The following CABCOCO1 variants were observed in gnomAD, a reference collection of about 807,000 sequenced individuals.
The protein encoded by CABCOCO1 is ciliary associated calcium binding coiled-coil 1.
Under a neutral mutation model 35.7 loss-of-function variants are expected in CABCOCO1, and 28 were observed. The observed-to-expected ratio is 0.78, with a 90% CI of 0.58 to 1.07. CABCOCO1 has a LOEUF of 1.07. Among genes scored for constraint, CABCOCO1 ranks in the 50% least tolerant of loss-of-function variants. CABCOCO1 has a pLI of 0.00. For missense variants in CABCOCO1, 326 were observed against 309.2 expected, an observed-to-expected ratio of 1.05 and a Z score of -0.41; for synonymous variants, 95 against 100.1, an observed-to-expected ratio of 0.95 and a Z score of 0.30.
intron 2 of CABCOCO1, among the ~76,000 whole-genome samples, chr10:61,677,862 T>C (rs896061083): frequency 7.0e-6 from 1 of 143,206 alleles, no homozygotes; most frequent in Non-Finnish European, 1.5e-5. Context: ...CTTTTCAATG[T>C]AGTTAGATTG....
intron 5 of CABCOCO1, among the ~76,000 whole-genome samples, chr10:61,714,701 G>A (rs181140297): frequency 1.3e-5 from 2 of 152,176 alleles, no homozygotes; most frequent in East Asian, 1.9e-4. Flanking sequence ...TAGAGATTCT[G>A]GTACGTTGTG....
chr10:61,700,949 GTATACATA>G (rs1564540325), intron 5 of CABCOCO1, among the ~76,000 whole-genome samples: 3 of 151,462 alleles, frequency 2.0e-5, no homozygotes, highest in African/African-American at 7.3e-5. Context: ...ATACATACAT[GTATACATA>G]TACATACATG....
chr10:61,760,730 C>A, intron 6 of CABCOCO1, 133 bp from the exon 7 acceptor site: 1 of 1,041,796 alleles, frequency 9.6e-7, no homozygotes, highest in Non-Finnish European at 1.4e-6. Context: ...TGTAACAAAC[C>A]TACACACTTT....
At chr10:61,720,292 TAA>T (rs10715326) in intron 5 of CABCOCO1, among the ~76,000 whole-genome samples, 10 of 151,114 alleles carry the variant, frequency 6.6e-5, no homozygotes, top group South Asian at 2.1e-4. Flanking sequence ...AAAATAAAAA[TAA>T]AAAAAAACAC....
At chr10:61,706,547 C>T (rs1287048768) in intron 5 of CABCOCO1, among the ~76,000 whole-genome samples, 1 of 152,140 alleles carries the variant, frequency 6.6e-6, no homozygotes, top group Non-Finnish European at 1.5e-5. Flanking sequence ...AACATAGCTG[C>T]TTCCCAAATG....
At chr10:61,707,814 CA>C (rs35406351) in intron 5 of CABCOCO1, among the ~76,000 whole-genome samples, 1 of 151,872 alleles carries the variant, frequency 6.6e-6, no homozygotes, top group African/African-American at 2.4e-5. Context: ...ATAATTGACA[CA>C]AAAAAGTGTG....
intron 7 of CABCOCO1, 41 bp from the exon 8 acceptor site, chr10:61,765,898 T>C: frequency 6.4e-7 from 1 of 1,554,370 alleles, no homozygotes; most frequent in Non-Finnish European, 8.9e-7. Context: ...CAGCAAAAGA[T>C]AGCTCCATCA....
chr10:61,723,331 T>A (rs1051795798), intron 5 of CABCOCO1, among the ~76,000 whole-genome samples: 3 of 152,234 alleles, frequency 2.0e-5, no homozygotes, highest in Non-Finnish European at 4.4e-5. Flanking sequence ...AATATAAGAA[T>A]ATTTAACATT....
At chr10:61,725,373 T>A (rs1053633338) in intron 5 of CABCOCO1, among the ~76,000 whole-genome samples, 6 of 152,162 alleles carry the variant, frequency 3.9e-5, no homozygotes, top group African/African-American at 1.4e-4. Flanking sequence ...TGTCCATCAA[T>A]GATAGACTGG....
At chr10:61,693,930 G>C (rs1840225151) in intron 5 of CABCOCO1, among the ~76,000 whole-genome samples, 1 of 151,940 alleles carries the variant, frequency 6.6e-6, no homozygotes, top group Non-Finnish European at 1.5e-5. Flanking sequence ...TTCAATGTAG[G>C]TATCTTATTT....
intron 5 of CABCOCO1, among the ~76,000 whole-genome samples, chr10:61,706,443 TG>T (rs2132023072): frequency 6.6e-6 from 1 of 152,328 alleles, no homozygotes; most frequent in African/African-American, 2.4e-5. Flanking sequence ...ACTCTTTGGC[TG>T]AATTCTGAAT....
intron 1 of CABCOCO1, among the ~76,000 whole-genome samples, chr10:61,665,693 C>T (rs1244195225): frequency 2.0e-5 from 3 of 151,816 alleles, no homozygotes; most frequent in Admixed American, 6.6e-5. Flanking sequence ...CGAGACCATC[C>T]TGGCTAACAC....
intron 4 of CABCOCO1, among the ~76,000 whole-genome samples, chr10:61,688,188 A>G (rs182644302): frequency 2.0e-4 from 30 of 152,332 alleles, no homozygotes; most frequent in African/African-American, 6.7e-4. Context: ...TGACAATGAA[A>G]TCACATAATA....
Position 61,690,628 on chromosome 10 carries a change from A to T in CABCOCO1, c.552+7A>T. 6.4e-7 allele frequency: 1 copy of T among 1,564,622 alleles called. No individual in the cohort carries two copies. The highest frequency in any genetic ancestry group is 8.8e-7 in the Non-Finnish European group (1 of 1,137,340). ...AATTGTGATAGGAACTGAGGTAAGT[A>T]ATTTATCTAGATGGAACAAGTTAAG... On this transcript the variant is annotated splice_region_variant and intron_variant, in intron 5 of 7. Transcript: ENST00000648843.
At chr10:61,678,688 C>G (rs1839602162) in intron 2 of CABCOCO1, among the ~76,000 whole-genome samples, 1 of 152,012 alleles carries the variant, frequency 6.6e-6, no homozygotes, top group Non-Finnish European at 1.5e-5. Context: ...CTGGCGGTAG[C>G]AACTAAAGCC....
chr10:61,708,617 T>G (rs538102712), intron 5 of CABCOCO1, among the ~76,000 whole-genome samples: 1 of 152,060 alleles, frequency 6.6e-6, no homozygotes, highest in Non-Finnish European at 1.5e-5. Context: ...CAAACTCCCT[T>G]TGGCTTCTTT....
chr10:61,757,546 A>G (rs900335153), intron 5 of CABCOCO1, among the ~76,000 whole-genome samples: 2 of 152,064 alleles, frequency 1.3e-5, no homozygotes, highest in African/African-American at 4.8e-5. Flanking sequence ...TAATAGTTAT[A>G]TGGGCTACAC....
chr10:61,681,446 ACATAG>A (rs1839789791), intron 3 of CABCOCO1, 134 bp downstream of exon 3: 1 of 602,466 alleles, frequency 1.7e-6, no homozygotes, highest in Admixed American at 3.8e-5. Flanking sequence ...TATAACAAAT[ACATAG>A]TTCCTATCTC....
intron 4 of CABCOCO1, among the ~76,000 whole-genome samples, chr10:61,688,670 A>G (rs1267120721): frequency 1.3e-5 from 2 of 152,218 alleles, no homozygotes; most frequent in Non-Finnish European, 2.9e-5. Context: ...TAAGAGGCAT[A>G]TACCCAAAAT....
Sources: allele counts gnomAD v4.1 joint callset (sites outside exome capture counted in the v4.1 genomes callset), GRCh38; gene constraint gnomAD v4.1.1; transcripts MANE v1.5; gene names NCBI Gene and HGNC (gene_info 2026-07-23, HGNC 2026-07-21).